NHSL1: variants seen among roughly 807,000 people sequenced by gnomAD.
NHSL1 encodes the protein NHS-like protein 1.
NHSL1 carries 48 observed loss-of-function variants against 95.0 expected under a neutral mutation model. The observed-to-expected ratio is 0.51, with a 90% CI of 0.40 to 0.64. The LOEUF is 0.64. NHSL1 is among the 30% of genes least tolerant of loss of function. NHSL1 has a pLI of 0.00. For synonymous variants in NHSL1, 783 were observed against 833.9 expected, an observed-to-expected ratio of 0.94 and a Z score of 1.05; for missense variants, 1,971 against 2,077.7, an observed-to-expected ratio of 0.95 and a Z score of 1.00.
chr6:138,433,656 G>A lies in NHSL1; in HGVS notation c.689C>T (p.Ala230Val), dbSNP rs1438967125. Reference sequence around the variant, plus strand: ...AGGGGTGTACACTGAGTGGCCATCAGCATCATCTTGGCCAGTGCCTGATGC... The same window carrying A: ...AGGGGTGTACACTGAGTGGCCATCAACATCATCTTGGCCAGTGCCTGATGC... ...ELASGTGQDD[A>V]DGHSVYTPDH... is the part of the protein sequence containing the mutation. Residue 230 changes from alanine (A) to valine (V), a missense_variant, in exon 6 of 8, where the codon GCT becomes GTT. By Grantham distance (64) the Ala-to-Val change is moderately conservative. Transcript: ENST00000343505. The A allele has an allele frequency of 3.2e-6, 5 of 1,543,736 alleles. No individual in the cohort carries two copies. In the African/African-American group the frequency reaches 6.9e-5, roughly 21 times the overall value.
intron 1 of NHSL1, among the ~76,000 whole-genome samples, chr6:138,620,878 C>G (rs1281251845): frequency 6.6e-6 from 1 of 152,196 alleles, no homozygotes; most frequent in Non-Finnish European, 1.5e-5. Flanking sequence ...CTTCAAACAT[C>G]ATGCCACACA....
intron 2 of NHSL1, among the ~76,000 whole-genome samples, chr6:138,486,677 C>T (rs547695287): frequency 3.9e-5 from 6 of 152,288 alleles, no homozygotes; most frequent in African/African-American, 1.4e-4. Context: ...TGATCTCTCT[C>T]CTGTGTTTTA....
Position 138,507,000 on chromosome 6 carries a change from C to T in NHSL1, c.17-10629G>A, listed in dbSNP as rs1235592154. ...CAATCTCTAATTTTTTTGCATCCGGCATTTTTCTTACAGATTACTACTGTT... is the reference window on the plus strand; with the variant it reads ...CAATCTCTAATTTTTTTGCATCCGGTATTTTTCTTACAGATTACTACTGTT... On this transcript the variant is annotated intron_variant, in intron 1 of 4. Coordinates refer to the NHSL1 transcript ENST00000342260. 8.5e-5 allele frequency among the ~76,000 whole-genome samples: 13 copies of T among 152,192 alleles called. No homozygotes were observed. The South Asian group carries it at 2.5e-3, about 29-fold the overall frequency.
intron 3 of NHSL1, among the ~76,000 whole-genome samples, chr6:138,468,385 G>A (rs1038140093): frequency 3.9e-5 from 6 of 152,190 alleles, no homozygotes; most frequent in Non-Finnish European, 5.9e-5. Flanking sequence ...CCCCAAGGCC[G>A]TGCACTTGTA....
In NHSL1 at chr6:138,514,354, T is replaced by C. The variant is rs1781370057; in HGVS notation, c.17-17983A>G. Among the ~76,000 whole-genome samples, 2 of 149,268 alleles carry C rather than the reference T, an allele frequency of 1.3e-5. 1 individual carries two copies. The highest frequency in any genetic ancestry group is 4.2e-4 in the South Asian group (2 of 4,740). ...ACAAACAAACAAACAAAACAAACTTTATTCTTAGGATGTTAAAAAAAATAC... is the reference window on the plus strand; with the variant it reads ...ACAAACAAACAAACAAAACAAACTTCATTCTTAGGATGTTAAAAAAAATAC... On this transcript the variant is annotated intron_variant, in intron 1 of 4. Coordinates refer to the NHSL1 transcript ENST00000342260.
intron 1 of NHSL1, among the ~76,000 whole-genome samples, chr6:138,536,437 T>C (rs542781596): frequency 2.0e-5 from 3 of 152,160 alleles, no homozygotes; most frequent in Non-Finnish European, 4.4e-5. Flanking sequence ...AAAGCAGCCA[T>C]CTCTATAGGA....
chr6:138,629,649 T>C (rs1040641017), intron 1 of NHSL1, among the ~76,000 whole-genome samples: 4 of 152,148 alleles, frequency 2.6e-5, no homozygotes, highest in African/African-American at 9.6e-5. Context: ...TCCCAAAGTG[T>C]TGCGATTACA....
chr6:138,589,808 C>T (rs1784197769), intron 1 of NHSL1, among the ~76,000 whole-genome samples: 1 of 152,152 alleles, frequency 6.6e-6, no homozygotes, highest in Non-Finnish European at 1.5e-5. Flanking sequence ...GGCTGCTCCT[C>T]TGAGTCGGCA....
At chr6:138,645,036 A>G (rs1313808333) in intron 1 of NHSL1, among the ~76,000 whole-genome samples, 1 of 152,230 alleles carries the variant, frequency 6.6e-6, no homozygotes, top group East Asian at 1.9e-4. Flanking sequence ...TCTGTCACTG[A>G]GGCACAGCAT....
intron 3 of NHSL1, among the ~76,000 whole-genome samples, chr6:138,467,278 G>A (rs922526637): frequency 1.6e-4 from 24 of 151,930 alleles, no homozygotes; most frequent in African/African-American, 5.1e-4. Flanking sequence ...TCAGCCTCCC[G>A]AGTAGCTGGG....
rs1251850957 is a variant in NHSL1, at chr6:138,491,596, G to T, written c.211+4623C>A. Among the ~76,000 whole-genome samples the T allele has an allele frequency of 2.6e-5, 4 of 151,720 alleles. No individual in the cohort carries two copies. The East Asian group carries it at 7.7e-4, about 29-fold the overall frequency. ...TTCAAACAATGATGGATGTAAAAAG[G>T]GTAGACTTCTTCTGGAAACTCAGTA... On this transcript the variant is annotated intron_variant, in intron 2 of 7. Coordinates refer to ENST00000343505, the MANE Select transcript of NHSL1 (RefSeq NM_001144060.2).
chr6:138,434,862 A>T (rs1775969758), intron 5 of NHSL1, among the ~76,000 whole-genome samples: 1 of 152,222 alleles, frequency 6.6e-6, no homozygotes. Context: ...CTCAGATAGC[A>T]GAGGGTAGTA....
At chr6:138,520,280 CTTTTT>C (rs397888767) in intron 1 of NHSL1, among the ~76,000 whole-genome samples, 1 of 80,942 alleles carries the variant, frequency 1.2e-5, no homozygotes, top group East Asian at 4.8e-4. Context: ...TAGTTTAATT[CTTTTT>C]TTTTTTTTTT....
intron 3 of NHSL1, among the ~76,000 whole-genome samples, chr6:138,472,349 G>A (rs984231674): frequency 2.0e-5 from 3 of 152,060 alleles, no homozygotes; most frequent in African/African-American, 4.8e-5. Flanking sequence ...TGGGCTCAAG[G>A]GATCCTCCTG....
chr6:138,636,611 A>C (rs1784891818), intron 1 of NHSL1, among the ~76,000 whole-genome samples: 1 of 152,234 alleles, frequency 6.6e-6, no homozygotes, highest in African/African-American at 2.4e-5. Context: ...GCATTTCTAT[A>C]TGCCAACAGT....
chr6:138,501,470 C>T (rs928834382), upstream of NHSL1, among the ~76,000 whole-genome samples: 1 of 152,112 alleles, frequency 6.6e-6, no homozygotes, highest in Non-Finnish European at 1.5e-5. Context: ...TCGTAGGAGT[C>T]AGGGTGGTCC....
intron 3 of NHSL1, among the ~76,000 whole-genome samples, chr6:138,464,826 C>T (rs1170781516): frequency 1.3e-5 from 2 of 148,394 alleles, no homozygotes; most frequent in Admixed American, 7.0e-5. Context: ...GATTCTCCTG[C>T]CTCAGCCTCT....
intron 1 of NHSL1, among the ~76,000 whole-genome samples, chr6:138,511,834 G>GCTGCCTGTAATCCT: frequency 6.6e-6 from 1 of 152,074 alleles, no homozygotes; most frequent in African/African-American, 2.4e-5. Flanking sequence ...TAGCTGCCTA[G>GCTGCCTGTAATCCT]GAAGCCAAGG....
In NHSL1 at chr6:138,431,212, CTGGCTGGCCAGAAT is replaced by C. The variant is rs1232610407; in HGVS notation, c.3119_3132del (p.Asn1040ArgfsTer44). On this transcript the variant is annotated frameshift_variant, in exon 6 of 8. Coordinates refer to ENST00000343505, the MANE Select transcript of NHSL1 (RefSeq NM_001144060.2). LOFTEE classifies it high-confidence loss of function. The surrounding 1 kb of genome is among the most constrained non-coding windows in gnomAD (Gnocchi z 4.0). ...GGCCTCAAGGATCCCCGGGAGGATT[CTGGCTGGCCAGAAT>C]TTGTGAAAGGCGGCCTGGTGTCTTT... The C allele has an allele frequency of 6.5e-7, 1 of 1,532,928 alleles. No homozygotes were observed. The highest frequency in any genetic ancestry group is 8.8e-7 in the Non-Finnish European group (1 of 1,136,148). The allele number at this position is 1,532,928 out of a possible 1,614,324, so 95.0% of individuals were successfully genotyped here.
Sources: gnomAD v4.1 joint callset for allele counts (sites outside exome capture counted in the v4.1 genomes callset) on GRCh38, gnomAD v4.1.1 for gene constraint, Gnocchi (gnomAD v3.1) non-coding constraint, MANE v1.5 for transcripts, NCBI Gene and HGNC (gene_info 2026-07-23, HGNC 2026-07-21) for gene names.